The following NUBPL variants were observed in gnomAD, a reference collection of about 807,000 sequenced individuals.
The protein encoded by NUBPL is NUBP iron-sulfur cluster assembly factor, mitochondrial.
NUBPL carries 31 observed loss-of-function variants against 45.7 expected under a neutral mutation model. The observed-to-expected ratio is 0.68, with a 90% CI of 0.51 to 0.92. NUBPL has a LOEUF of 0.92. Among genes scored for constraint, NUBPL ranks in the 40% least tolerant of loss-of-function variants. NUBPL has a pLI of 0.00. For missense variants in NUBPL, 401 were observed against 398.7 expected, an observed-to-expected ratio of 1.01 and a Z score of -0.05; for synonymous variants, 144 against 140.9, an observed-to-expected ratio of 1.02 and a Z score of -0.15.
chr14:31,706,903 T>G (rs1001878193), intron 6 of NUBPL, among the ~76,000 whole-genome samples: 1 of 152,238 alleles, frequency 6.6e-6, no homozygotes, highest in Non-Finnish European at 1.5e-5. Context: ...TCAGTCCATA[T>G]TAACTTAAAA....
At chr14:31,840,586 AAAAAG>A (rs1566592830) in intron 8 of NUBPL, among the ~76,000 whole-genome samples, 2 of 119,736 alleles carry the variant, frequency 1.7e-5, no homozygotes, top group Non-Finnish European at 3.9e-5. Context: ...AAAAAAAAAA[AAAAAG>A]AAAAAGAAAG....
intron 6 of NUBPL, among the ~76,000 whole-genome samples, chr14:31,705,194 G>C (rs929696992): frequency 3.9e-5 from 6 of 152,070 alleles, no homozygotes; most frequent in African/African-American, 1.4e-4. Flanking sequence ...CGTCCCTCCT[G>C]GTGGGTTCAT....
chr14:31,847,201 G>T (rs1472226521), intron 9 of NUBPL, among the ~76,000 whole-genome samples: 4 of 152,162 alleles, frequency 2.6e-5, no homozygotes, highest in African/African-American at 9.7e-5. Flanking sequence ...ACTCATCAGT[G>T]TGTTTGCTAA....
At chr14:31,822,025 T>C (rs1250119472) in intron 7 of NUBPL, among the ~76,000 whole-genome samples, 1 of 152,058 alleles carries the variant, frequency 6.6e-6, no homozygotes, top group Non-Finnish European at 1.5e-5. Flanking sequence ...GGATAGTTAT[T>C]CGAGGTAGGG....
intron 6 of NUBPL, among the ~76,000 whole-genome samples, chr14:31,717,163 C>T (rs2037708921): frequency 6.6e-6 from 1 of 152,058 alleles, no homozygotes; most frequent in Admixed American, 6.6e-5. Flanking sequence ...CACATTTTCC[C>T]ACTTCTACTC....
At chr14:31,580,691 A>G (rs2033838564) in intron 3 of NUBPL, among the ~76,000 whole-genome samples, 1 of 152,226 alleles carries the variant, frequency 6.6e-6, no homozygotes. Context: ...ATCTCTGAAG[A>G]CATGACATTT....
At chr14:31,821,852 C>T (rs1001389210) in intron 7 of NUBPL, among the ~76,000 whole-genome samples, 2 of 152,186 alleles carry the variant, frequency 1.3e-5, no homozygotes, top group African/African-American at 4.8e-5. Flanking sequence ...TACCATTTAG[C>T]TTTGAAAAGA....
intron 3 of NUBPL, among the ~76,000 whole-genome samples, chr14:31,594,684 C>T (rs534816026): frequency 6.6e-6 from 1 of 152,228 alleles, no homozygotes; most frequent in Non-Finnish European, 1.5e-5. Flanking sequence ...GCTCTTCTGA[C>T]AATCAGATTC....
intron 6 of NUBPL, among the ~76,000 whole-genome samples, chr14:31,741,254 AG>A (rs1180157679): frequency 6.6e-6 from 1 of 152,142 alleles, no homozygotes; most frequent in African/African-American, 2.4e-5. Flanking sequence ...TGCAGGGGGC[AG>A]GGGGAATATT....
chr14:31,570,271 T>C (rs2033546888), intron 3 of NUBPL, among the ~76,000 whole-genome samples: 1 of 152,238 alleles, frequency 6.6e-6, no homozygotes, highest in Non-Finnish European at 1.5e-5. Context: ...GTTTAATAGT[T>C]TCTTTTGTGA....
rs148677090 is a variant in NUBPL, at chr14:31,577,548, G to A, written c.291+12500G>A. The stretch of plus-strand genomic sequence containing the variant: ...CCTGCCTCAGCTTTCCAAATAGCTG[G>A]GATTACAGGTGCCAGCCACCACGCC... On this transcript the variant is annotated intron_variant, in intron 3 of 10. Coordinates refer to ENST00000281081, the MANE Select transcript of NUBPL (RefSeq NM_025152.3). Among the ~76,000 whole-genome samples the A allele has an allele frequency of 2.2e-3, 329 of 152,250 alleles. 3 individuals are homozygous for A. The highest frequency in any genetic ancestry group is 7.5e-3 in the African/African-American group (312 of 41,552).
chr14:31,598,835 C>A (rs1454655460), intron 3 of NUBPL, among the ~76,000 whole-genome samples: 1 of 152,098 alleles, frequency 6.6e-6, no homozygotes, highest in Non-Finnish European at 1.5e-5. Flanking sequence ...TTTCCATGAT[C>A]TTTTTTTATT....
chr14:31,609,522 A>G (rs2034696936), intron 4 of NUBPL, among the ~76,000 whole-genome samples: 1 of 152,220 alleles, frequency 6.6e-6, no homozygotes, highest in Non-Finnish European at 1.5e-5. Flanking sequence ...AATCTTCCAG[A>G]CAGAAAATCA....
chr14:31,588,913 C>A (rs77139825), intron 3 of NUBPL, among the ~76,000 whole-genome samples: 679 of 121,400 alleles, frequency 5.6e-3, no homozygotes, highest in African/African-American at 9.9e-3. Flanking sequence ...GACTCCGTCT[C>A]AAAAAAAAAA....
At chr14:31,805,028 A>T (rs753195261) in intron 7 of NUBPL, among the ~76,000 whole-genome samples, 1 of 152,094 alleles carries the variant, frequency 6.6e-6, no homozygotes, top group Non-Finnish European at 1.5e-5. Flanking sequence ...ATATTCACAA[A>T]CTATGCATCT....
At chr14:31,562,696 C>CG (rs2033328588) in intron 2 of NUBPL, 1 of 150,642 alleles carries the variant, frequency 6.6e-6, no homozygotes, top group Non-Finnish European at 1.5e-5. Flanking sequence ...CTCCGCCTCC[C>CG]GGGGTTCACG....
intron 7 of NUBPL, among the ~76,000 whole-genome samples, chr14:31,798,382 A>G (rs1223251004): frequency 8.7e-6 from 1 of 114,628 alleles, no homozygotes; most frequent in Admixed American, 1.2e-4. Context: ...CCTTTGTTTT[A>G]GTGTGTGGGA....
At chr14:31,639,090 A>G (rs1370228995) in intron 4 of NUBPL, among the ~76,000 whole-genome samples, 1 of 152,154 alleles carries the variant, frequency 6.6e-6, no homozygotes, top group Non-Finnish European at 1.5e-5. Flanking sequence ...TCAGCTCGTC[A>G]AAGTCATTCT....
chr14:31,708,886 G>A (rs989574959), intron 6 of NUBPL, among the ~76,000 whole-genome samples: 1 of 152,156 alleles, frequency 6.6e-6, no homozygotes, highest in Non-Finnish European at 1.5e-5. Flanking sequence ...ATGGACGAGG[G>A]GGCGGCTTGT....
Sources: gnomAD v4.1 joint callset for allele counts (sites outside exome capture counted in the v4.1 genomes callset) on GRCh38, gnomAD v4.1.1 for gene constraint, MANE v1.5 for transcripts, NCBI Gene and HGNC (gene_info 2026-07-23, HGNC 2026-07-21) for gene names.